Variants in HS6ST3 observed in about 807,000 individuals in gnomAD.
HS6ST3 encodes heparan sulfate 6-O-sulfotransferase 3.
In HS6ST3, 12 loss-of-function variants were observed where a neutral mutation model predicts 36.7. That is an observed-to-expected ratio of 0.33 (90% CI 0.21 to 0.53). The LOEUF (loss-of-function observed/expected upper bound fraction) is 0.53. Ranked by LOEUF, HS6ST3 falls within the 20% of genes least tolerant of loss-of-function variation. The probability of loss-of-function intolerance (pLI) is 0.95; values close to 1 mark genes in which losing one functional copy is unlikely to be tolerated. For synonymous variants in HS6ST3, 240 were observed against 257.5 expected (o/e 0.93, Z 0.65); for missense variants, 584 against 640.9 (o/e 0.91, Z 0.96).
intron 1 of HS6ST3, among the ~76,000 whole-genome samples, chr13:96,197,101 G>T (rs969138712): frequency 1.3e-5 from 2 of 152,196 alleles, no homozygotes; most frequent in African/African-American, 4.8e-5. Context: ...TTAGATGATA[G>T]AAATTTCTTT....
At chr13:96,304,406 G>T (rs2054898959) in intron 1 of HS6ST3, among the ~76,000 whole-genome samples, 1 of 152,196 alleles carries the variant, frequency 6.6e-6, no homozygotes, top group East Asian at 1.9e-4. Flanking sequence ...TTGCATCAAA[G>T]ATGTGATTAG....
At chr13:96,363,789 A>G (rs1215915231) in intron 1 of HS6ST3, among the ~76,000 whole-genome samples, 1 of 152,184 alleles carries the variant, frequency 6.6e-6, no homozygotes, top group Non-Finnish European at 1.5e-5. Context: ...AAAGGGTGAG[A>G]TGAAAATAAA....
chr13:96,598,183 G>C (rs745460363), intron 1 of HS6ST3, among the ~76,000 whole-genome samples: 2 of 151,858 alleles, frequency 1.3e-5, no homozygotes, highest in Non-Finnish European at 2.9e-5. Context: ...ATAAATTTCA[G>C]GATTGTTTTT....
intron 1 of HS6ST3, among the ~76,000 whole-genome samples, chr13:96,123,157 A>G (rs937334138): frequency 3.3e-5 from 5 of 152,220 alleles, no homozygotes; most frequent in African/African-American, 1.2e-4. Flanking sequence ...TGATGTCACC[A>G]TGTTTCACAA....
chr13:96,450,316 C>G (rs1472897743), intron 1 of HS6ST3, among the ~76,000 whole-genome samples: 1 of 152,100 alleles, frequency 6.6e-6, no homozygotes. Context: ...GCCATAGGAA[C>G]TTTTATGATT....
At chr13:96,309,216 A>G (rs2054928393) in intron 1 of HS6ST3, among the ~76,000 whole-genome samples, 1 of 152,042 alleles carries the variant, frequency 6.6e-6, no homozygotes, top group South Asian at 2.1e-4. Flanking sequence ...ACTTAGCCAT[A>G]CATTTTTGAA....
intron 1 of HS6ST3, among the ~76,000 whole-genome samples, chr13:96,598,930 A>T (rs564026438): frequency 6.6e-6 from 1 of 152,114 alleles, no homozygotes. Flanking sequence ...TGAGATGATC[A>T]TATGGTTTTG....
At chr13:96,401,936 C>A (rs954810172) in intron 1 of HS6ST3, among the ~76,000 whole-genome samples, 3 of 152,166 alleles carry the variant, frequency 2.0e-5, no homozygotes, top group African/African-American at 7.2e-5. Flanking sequence ...CTAAATAGCT[C>A]ATCAATCCAA....
chr13:96,185,462 C>A (rs1405673866), intron 1 of HS6ST3, among the ~76,000 whole-genome samples: 1 of 152,224 alleles, frequency 6.6e-6, no homozygotes, highest in Non-Finnish European at 1.5e-5. Context: ...CCAGCCAAGG[C>A]CCATTGGCTG....
Position 96,275,672 on chromosome 13 carries a change from A to G in HS6ST3, c.707+184103A>G, listed in dbSNP as rs1184536627. Reference sequence around the variant, plus strand: ...TGAAAAAGTAGTAAAACACACATCCATAAGCTATCATTTTGGTTTAAAGCA... The same window carrying G: ...TGAAAAAGTAGTAAAACACACATCCGTAAGCTATCATTTTGGTTTAAAGCA... On this transcript the variant is annotated intron_variant, in intron 1 of 1. Transcript: ENST00000376705. 2.6e-5 allele frequency among the ~76,000 whole-genome samples: 4 copies of G among 152,310 alleles called. No individual in the cohort carries two copies. The South Asian group carries it at 6.2e-4, about 24-fold the overall frequency.
intron 1 of HS6ST3, among the ~76,000 whole-genome samples, chr13:96,620,169 T>C (rs2056488914): frequency 1.3e-5 from 2 of 152,248 alleles, no homozygotes; most frequent in African/African-American, 4.8e-5. Flanking sequence ...AAACTATTGC[T>C]ATAAAAGAAA....
chr13:96,668,178 AC>A (rs2056670511), intron 1 of HS6ST3, among the ~76,000 whole-genome samples: 1 of 151,934 alleles, frequency 6.6e-6, no homozygotes, highest in Non-Finnish European at 1.5e-5. Flanking sequence ...GCATACACAC[AC>A]ACACACACAC....
intron 1 of HS6ST3, among the ~76,000 whole-genome samples, chr13:96,486,627 C>A (rs2055916396): frequency 6.6e-6 from 1 of 152,164 alleles, no homozygotes; most frequent in Non-Finnish European, 1.5e-5. Context: ...TGATGATGAG[C>A]AGTTTTTAAT....
At position 96,124,975 on chromosome 13, in the gene HS6ST3, A is replaced by G. The variant is rs971941156; in HGVS notation, c.707+33406A>G. Among the ~76,000 whole-genome samples, 22 of 152,324 alleles carry G rather than the reference A, an allele frequency of 1.4e-4. No homozygotes were observed. In the East Asian group the frequency reaches 3.5e-3, roughly 24 times the overall value. On this transcript the variant is annotated intron_variant, in intron 1 of 1. Transcript: ENST00000376705. ...ATTCTGCTGTATCTAGAAAAGTAAG[A>G]AAAAAGATATTAGAGTATGATAACT...
intron 1 of HS6ST3, among the ~76,000 whole-genome samples, chr13:96,392,464 G>A (rs1202469200): frequency 6.6e-6 from 1 of 152,134 alleles, no homozygotes; most frequent in Non-Finnish European, 1.5e-5. Context: ...ACATGAAAAA[G>A]AGAACACGAC....
chr13:96,542,583 C>T (rs540385021), intron 1 of HS6ST3, among the ~76,000 whole-genome samples: 1 of 152,240 alleles, frequency 6.6e-6, no homozygotes, highest in South Asian at 2.1e-4. Context: ...CACTCCTTGA[C>T]TGTTCTGACA....
chr13:96,523,336 C>A (rs533164275), intron 1 of HS6ST3, among the ~76,000 whole-genome samples: 1 of 152,156 alleles, frequency 6.6e-6, no homozygotes, highest in African/African-American at 2.4e-5. Flanking sequence ...CTGACAATTA[C>A]GTGTCTTGGG....
At chr13:96,134,746 C>A (rs1029295692) in intron 1 of HS6ST3, among the ~76,000 whole-genome samples, 8 of 152,166 alleles carry the variant, frequency 5.3e-5, no homozygotes, top group Admixed American at 4.6e-4. Flanking sequence ...CACAGTTGCT[C>A]TTTTGGGTTT....
At chr13:96,607,176 A>G (rs1175552508) in intron 1 of HS6ST3, among the ~76,000 whole-genome samples, 1 of 152,230 alleles carries the variant, frequency 6.6e-6, no homozygotes, top group African/African-American at 2.4e-5. Flanking sequence ...GACTTTAAAG[A>G]AAAAGAATAA....
Sources: allele counts gnomAD v4.1 joint callset (sites outside exome capture counted in the v4.1 genomes callset), GRCh38; gene constraint gnomAD v4.1.1; transcripts MANE v1.5; gene names NCBI Gene and HGNC (gene_info 2026-07-23, HGNC 2026-07-21).